Variants in APLP2 observed in about 807,000 individuals in gnomAD.
APLP2 encodes the protein CDEI box-binding protein.
A neutral mutation model predicts 89.9 loss-of-function variants in APLP2; 53 were observed. That is an observed-to-expected ratio of 0.59 (90% CI 0.47 to 0.74). The LOEUF is 0.74. Ranked by LOEUF, APLP2 falls within the 30% of genes least tolerant of loss-of-function variation. The pLI is 0.00. For synonymous variants in APLP2, 372 were observed against 348.6 expected (o/e 1.07, Z -0.75); for missense variants, 973 against 975.9 (o/e 1.00, Z 0.04).
chr11:130,070,310 G>A (rs1004471534), intron 1 of APLP2, among the ~76,000 whole-genome samples: 11 of 151,096 alleles, frequency 7.3e-5, no homozygotes, highest in Admixed American at 4.0e-4. Flanking sequence ...GAAAGGCGTC[G>A]GGGCTGCTGG....
chr11:130,109,707 A>G, intron 2 of APLP2, 105 bp downstream of exon 2: 2 of 1,271,396 alleles, frequency 1.6e-6, no homozygotes, highest in Non-Finnish European at 2.1e-6. Flanking sequence ...ACCTAAGACC[A>G]AGATGCTAAT....
In APLP2 at chr11:130,142,048, G is replaced by T; in HGVS notation, c.2128G>T (p.Gly710Cys). The change falls in exon 16 of 17, where the codon GGC (glycine) becomes TGC (cysteine). Residue 710 changes from glycine to cysteine, a missense_variant. Coordinates refer to ENST00000338167, the MANE Select transcript of APLP2 (RefSeq NM_001142276.2). ...GGTGATGCTGAGGAAGAGGCAGTAT[G>T]GCACCATCAGCCACGGGATCGTGGA... ...SLVMLRKRQY[G>C]TISHGIVEVD... The T allele has an allele frequency of 1.9e-6, 3 of 1,613,564 alleles. No individual in the cohort carries two copies. Among genetic ancestry groups the T allele is most frequent in the Non-Finnish European group, 2.5e-6 (3 of 1,179,856 alleles).
chr11:130,104,326 C>T (rs1947360498), intron 1 of APLP2, among the ~76,000 whole-genome samples: 1 of 142,066 alleles, frequency 7.0e-6, no homozygotes, highest in Non-Finnish European at 1.5e-5. Flanking sequence ...TCAAGCGATT[C>T]TAGTGTCTCA....
intron 1 of APLP2, among the ~76,000 whole-genome samples, chr11:130,104,725 A>G (rs1419299082): frequency 1.3e-5 from 2 of 152,144 alleles, no homozygotes; most frequent in Admixed American, 1.3e-4. Context: ...GTGCATTCAT[A>G]CTGAAGGCAT....
intron 1 of APLP2, among the ~76,000 whole-genome samples, chr11:130,100,103 A>G (rs1946707223): frequency 6.6e-6 from 1 of 152,260 alleles, no homozygotes; most frequent in Non-Finnish European, 1.5e-5. Flanking sequence ...TCAGAGCAGC[A>G]CTGATGTGTA....
In APLP2 at chr11:130,118,740, G is replaced by A. The variant is rs148961354; in HGVS notation, c.404-1966G>A. Among the ~76,000 whole-genome samples the A allele has an allele frequency of 7.0e-3, 1,062 of 152,244 alleles. 10 individuals carry two copies. Among genetic ancestry groups the A allele is most frequent in the African/African-American group, 0.025 (1,020 of 41,552 alleles). ...TTTTTAAGCAATGCTTTTAAGTCTCGTTGATTGCTAAAGCCTGTTTGCAGG... is the reference window on the plus strand; with the variant it reads ...TTTTTAAGCAATGCTTTTAAGTCTCATTGATTGCTAAAGCCTGTTTGCAGG... On this transcript the variant is annotated intron_variant, in intron 3 of 16. Transcript: ENST00000338167.
chr11:130,077,541 T>C, intron 1 of APLP2, among the ~76,000 whole-genome samples: 1 of 152,006 alleles, frequency 6.6e-6, no homozygotes, highest in Non-Finnish European at 1.5e-5. Flanking sequence ...TAGTTAAACA[T>C]GTAAAACAGA....
At chr11:130,097,173 G>A (rs1488119946) in intron 1 of APLP2, among the ~76,000 whole-genome samples, 1 of 152,150 alleles carries the variant, frequency 6.6e-6, no homozygotes, top group Non-Finnish European at 1.5e-5. Flanking sequence ...GTTTTAATGG[G>A]CATTAGAAGT....
At chr11:130,125,759 A>T (rs998952079) in intron 7 of APLP2, among the ~76,000 whole-genome samples, 15 of 152,226 alleles carry the variant, frequency 9.9e-5, no homozygotes, top group African/African-American at 3.6e-4. Context: ...TTGTGTCATA[A>T]TCTATCAAGC....
At chr11:130,086,712 A>G (rs956883584) in intron 1 of APLP2, among the ~76,000 whole-genome samples, 4 of 152,174 alleles carry the variant, frequency 2.6e-5, no homozygotes, top group African/African-American at 9.7e-5. Context: ...GGTTTAAGGT[A>G]AGGGTCCAGC....
chr11:130,092,723 G>GGGGGGA (rs145297907), intron 1 of APLP2, among the ~76,000 whole-genome samples: 4 of 119,254 alleles, frequency 3.4e-5, no homozygotes, highest in African/African-American at 1.1e-4. Context: ...GGGAGGGGGA[G>GGGGGGA]GGAGAGGGAG....
chr11:130,115,649 C>T (rs558181350), intron 3 of APLP2, among the ~76,000 whole-genome samples: 11 of 152,260 alleles, frequency 7.2e-5, no homozygotes, highest in Middle Eastern at 3.4e-3. Context: ...TATTATACTC[C>T]GCTGATAAAA....
intron 13 of APLP2, among the ~76,000 whole-genome samples, chr11:130,138,252 G>C (rs1951870436): frequency 1.3e-5 from 2 of 152,174 alleles, no homozygotes; most frequent in Non-Finnish European, 2.9e-5. Context: ...GTGGTGTTCT[G>C]GTTTACGCCA....
intron 10 of APLP2, among the ~76,000 whole-genome samples, 178 bp from the exon 11 acceptor site, chr11:130,129,860 A>G (rs916963619): frequency 2.0e-5 from 3 of 152,336 alleles, no homozygotes; most frequent in East Asian, 3.9e-4. Context: ...TAGTTTTGCT[A>G]TTTTACCTAG....
chr11:130,095,034 G>C (rs995501502), intron 1 of APLP2, among the ~76,000 whole-genome samples: 17 of 152,216 alleles, frequency 1.1e-4, no homozygotes, highest in African/African-American at 4.1e-4. Flanking sequence ...AGTAAAAGAA[G>C]ATGCAGTTGC....
At chr11:130,091,775 C>G (rs1945292528) in intron 1 of APLP2, among the ~76,000 whole-genome samples, 1 of 150,438 alleles carries the variant, frequency 6.6e-6, no homozygotes, top group African/African-American at 2.5e-5. Context: ...GGGGCTGAAC[C>G]CCCCACCTCC....
At chr11:130,133,449 C>G (rs912678370) in intron 11 of APLP2, among the ~76,000 whole-genome samples, 180 bp from the exon 12 acceptor site, 1 of 152,142 alleles carries the variant, frequency 6.6e-6, no homozygotes, top group Non-Finnish European at 1.5e-5. Context: ...CTTTAGCAGT[C>G]AGTAAATATG....
chr11:130,143,779 A>C lies in APLP2; in HGVS notation c.*331A>C. The C allele has an allele frequency of 4.7e-6, 1 of 214,510 alleles. No individual in the cohort carries two copies. Among genetic ancestry groups the C allele is most frequent in the Non-Finnish European group, 9.5e-6 (1 of 105,322 alleles). 13.3% of individuals were successfully genotyped at this position (214,510 alleles called of 1,614,324 possible). ...GACACATGCTCTCAATATATAATAA[A>C]TGGGAAATGTCGATTTTCAATAATA... is the stretch of plus-strand genomic sequence containing the variant. On this transcript the variant is annotated 3_prime_UTR_variant, in exon 17 of 17. Transcript: ENST00000338167.
intron 1 of APLP2, among the ~76,000 whole-genome samples, chr11:130,074,158 G>T (rs946373722): frequency 2.0e-5 from 3 of 152,146 alleles, no homozygotes; most frequent in African/African-American, 7.2e-5. Context: ...TAGTTAGTTT[G>T]TTGACCCAAT....
Sources: allele counts gnomAD v4.1 joint callset (sites outside exome capture counted in the v4.1 genomes callset), GRCh38; gene constraint gnomAD v4.1.1; transcripts MANE v1.5; gene names NCBI Gene and HGNC (gene_info 2026-07-23, HGNC 2026-07-21).